ZNF131: variants seen among roughly 807,000 people sequenced by gnomAD.
The protein encoded by ZNF131 is zinc finger and BTB domain containing 35, also known as zinc finger protein 131.
ZNF131 carries 7 observed loss-of-function variants against 60.0 expected under a neutral mutation model. The ratio of observed to expected loss-of-function variants is 0.12; its 90% CI spans 0.07 to 0.22. The LOEUF is 0.22. ZNF131 is among the 10% of genes least tolerant of loss of function. The pLI is 1.00. For synonymous variants in ZNF131, 257 were observed against 253.2 expected, an observed-to-expected ratio of 1.01 and a Z score of -0.14; for missense variants, 493 against 740.9, an observed-to-expected ratio of 0.67 and a Z score of 3.88.
At chr5:43,123,155 C>A in intron 2 of ZNF131, 54 bp from the exon 3 acceptor site, 1 of 1,396,214 alleles carries the variant, frequency 7.2e-7, no homozygotes. Context: ...TGTAGTTATA[C>A]ATTTGATTTT....
In ZNF131 at chr5:43,141,903, G is replaced by C. The variant is rs138353092; in HGVS notation, c.371+2594G>C. Among the ~76,000 whole-genome samples, 273 of 152,280 alleles carry C rather than the reference G, an allele frequency of 1.8e-3. 2 individuals are homozygous for C. Among genetic ancestry groups the C allele is most frequent in the African/African-American group, 6.3e-3 (261 of 41,542 alleles). ...TTCTGAAGAGTTCCCTTTGAAAAGA[G>C]GAAGACAGTAGTATTATATGTTGGC... On this transcript the variant is annotated intron_variant, in intron 4 of 6. Transcript: ENST00000682664.
intron 5 of ZNF131, among the ~76,000 whole-genome samples, chr5:43,172,298 T>A (rs1751089037): frequency 6.6e-6 from 1 of 152,204 alleles, no homozygotes; most frequent in African/African-American, 2.4e-5. Context: ...CAGAAATGTT[T>A]TCCTGCCTGG....
At chr5:43,132,863 A>G (rs1745543158) in intron 3 of ZNF131, among the ~76,000 whole-genome samples, 1 of 152,212 alleles carries the variant, frequency 6.6e-6, no homozygotes, top group South Asian at 2.1e-4. Context: ...CACTTAAATG[A>G]TATTCCACCA....
intron 4 of ZNF131, among the ~76,000 whole-genome samples, chr5:43,158,386 T>C (rs910920347): frequency 1.3e-5 from 2 of 152,168 alleles, no homozygotes; most frequent in Admixed American, 1.3e-4. Flanking sequence ...ACCTCCTGGG[T>C]TCAAGTGATT....
At chr5:43,126,943 C>CA (rs1192189139) in intron 3 of ZNF131, among the ~76,000 whole-genome samples, 2 of 152,190 alleles carry the variant, frequency 1.3e-5, no homozygotes, top group African/African-American at 4.8e-5. Flanking sequence ...TGTCTTCACT[C>CA]ACTGCACAGT....
At chr5:43,155,425 G>A (rs1445769865) in intron 4 of ZNF131, among the ~76,000 whole-genome samples, 2 of 152,154 alleles carry the variant, frequency 1.3e-5, no homozygotes, top group Non-Finnish European at 2.9e-5. Context: ...GGTTCAGCAA[G>A]TCCAAAACCC....
intron 5 of ZNF131, among the ~76,000 whole-genome samples, chr5:43,172,050 G>A (rs1349161375): frequency 6.6e-6 from 1 of 152,240 alleles, no homozygotes; most frequent in Non-Finnish European, 1.5e-5. Context: ...GTTTGGCCTT[G>A]TAGGCCTTCT....
chr5:43,140,955 G>T (rs1746748187), intron 4 of ZNF131, among the ~76,000 whole-genome samples: 1 of 152,120 alleles, frequency 6.6e-6, no homozygotes, highest in Non-Finnish European at 1.5e-5. Flanking sequence ...CCAACCTTAA[G>T]TGATCCGCCT....
rs777136428 is a variant in ZNF131 at position 43,173,359 on chromosome 5, G to T, written c.1096G>T (p.Ala366Ser). Residue 366 changes from alanine to serine, a missense_variant, in exon 6 of 7, where the codon GCT (alanine) becomes TCT (serine). Ala to Ser is a moderately conservative substitution (Grantham distance 99). This residue lies in a region of ZNF131 where 6 missense variants were observed against 54.9 expected (regional missense o/e 0.11). Coordinates refer to ENST00000682664, the MANE Select transcript of ZNF131 (RefSeq NM_001330707.2). ...FECPNCHERF[A>S]RNSTLKCHLT... ...ATGTCCAAATTGTCATGAACGATTT[G>T]CTAGAAATAGCACTCTGAAATGTCA... 1.2e-6 allele frequency: 2 copies of T among 1,612,272 alleles called. No homozygotes were observed. The highest frequency in any genetic ancestry group is 2.7e-5 in the African/African-American group (2 of 74,902).
In ZNF131 at chr5:43,175,158, ATTTAC is replaced by A. The variant is rs751487607; in HGVS notation, c.*28_*32del. ...AAATTACACATGAATATATTTTTAA[ATTTAC>A]TTGTTGGGTTTTTGAACTGATTATG... On this transcript the variant is annotated 3_prime_UTR_variant, in exon 7 of 7. Transcript: ENST00000682664. 4 of 1,566,286 alleles carry A rather than the reference ATTTAC, an allele frequency of 2.6e-6. No homozygotes were observed. The highest frequency in any genetic ancestry group is 3.5e-6 in the Non-Finnish European group (4 of 1,158,660).
At chr5:43,142,418 C>T (rs979674516) in intron 4 of ZNF131, among the ~76,000 whole-genome samples, 1 of 150,136 alleles carries the variant, frequency 6.7e-6, no homozygotes, top group African/African-American at 2.4e-5. Context: ...AATTCTCTGC[C>T]TCAGCCTCCC....
intron 4 of ZNF131, among the ~76,000 whole-genome samples, chr5:43,147,262 G>A (rs966203599): frequency 6.6e-6 from 1 of 151,664 alleles, no homozygotes; most frequent in Non-Finnish European, 1.5e-5. Flanking sequence ...TTAAAATAAT[G>A]CTACTGTATA....
intron 3 of ZNF131, among the ~76,000 whole-genome samples, chr5:43,130,479 C>T (rs533595562): frequency 2.0e-4 from 31 of 151,982 alleles, no homozygotes; most frequent in Non-Finnish European, 2.9e-4. Flanking sequence ...AATTAATTTT[C>T]CTGAGTGTTA....
At chr5:43,155,702 G>C (rs1748876923) in intron 4 of ZNF131, among the ~76,000 whole-genome samples, 1 of 152,228 alleles carries the variant, frequency 6.6e-6, no homozygotes, top group Admixed American at 6.5e-5. Context: ...AGCACCCAAA[G>C]AGTCCAGTAG....
chr5:43,132,658 G>T (rs185644386), intron 3 of ZNF131, among the ~76,000 whole-genome samples: 28 of 152,002 alleles, frequency 1.8e-4, no homozygotes, highest in African/African-American at 6.5e-4. Context: ...TTACAGGCGC[G>T]CGTAACCACA....
chr5:43,170,278 A>G lies in ZNF131; in HGVS notation c.1055-3040A>G, dbSNP rs114844595. Among the ~76,000 whole-genome samples the G allele has an allele frequency of 4.7e-3, 719 of 152,326 alleles. 1 individual carries two copies. Among genetic ancestry groups the G allele is most frequent in the African/African-American group, 0.016 (682 of 41,574 alleles). On this transcript the variant is annotated intron_variant, in intron 5 of 6. Transcript: ENST00000682664. ...CTCTCAAATTAACTTTTCATCACAT[A>G]AAAATTGTACAAAATAAGCTATAAA...
chr5:43,152,480 A>G (rs1748449592), intron 4 of ZNF131, among the ~76,000 whole-genome samples: 1 of 152,212 alleles, frequency 6.6e-6, no homozygotes, highest in African/African-American at 2.4e-5. Context: ...AAGGGAAACC[A>G]CTTGGCAGGG....
intron 3 of ZNF131, among the ~76,000 whole-genome samples, chr5:43,133,997 A>C (rs908054424): frequency 2.0e-5 from 3 of 152,190 alleles, no homozygotes; most frequent in Admixed American, 6.6e-5. Flanking sequence ...TTCCAAAAAA[A>C]CTGAAGAGGA....
rs61645691 is a variant in ZNF131, at chr5:43,153,489, A to AAAG, written c.372-7760_372-7759insAAG. ...AAAAAAAAAAAAAAAAAAAAAAAAA[A>AAAG]GCAAAATTAGCTGGGCCTGGTGGCA... On this transcript the variant is annotated intron_variant, in intron 4 of 6. Coordinates refer to ENST00000682664, the MANE Select transcript of ZNF131 (RefSeq NM_001330707.2). 3.9e-5 allele frequency among the ~76,000 whole-genome samples: 5 copies of AAAG among 128,888 alleles called. No homozygotes were observed. The East Asian group carries it at 1.2e-3, about 30-fold the overall frequency. The allele number at this position is 128,888 out of a possible 152,430, so 84.6% of individuals were successfully genotyped here.
Sources: allele counts gnomAD v4.1 joint callset (sites outside exome capture counted in the v4.1 genomes callset), GRCh38; gene constraint gnomAD v4.1.1; regional missense constraint gnomAD v4.1.1; transcripts MANE v1.5; gene names NCBI Gene and HGNC (gene_info 2026-07-23, HGNC 2026-07-21).